The following MARCHF1 variants were observed in gnomAD, a reference collection of about 807,000 sequenced individuals.
The protein encoded by MARCHF1 is membrane associated ring-CH-type finger 1.
In MARCHF1, 40 loss-of-function variants were observed where a neutral mutation model predicts 54.2. That is an observed-to-expected ratio of 0.74 (90% CI 0.57 to 0.96). The LOEUF is 0.96. MARCHF1 is among the 40% of genes least tolerant of loss of function. The pLI, the probability that MARCHF1 is intolerant of heterozygous loss-of-function variation, is 0.00. For missense variants in MARCHF1, 586 were observed against 656.5 expected, an observed-to-expected ratio of 0.89 and a Z score of 1.17; for synonymous variants, 236 against 236.3, an observed-to-expected ratio of 1.00 and a Z score of 0.01.
At chr4:163,548,943 C>A (rs1019459595) in intron 8 of MARCHF1, among the ~76,000 whole-genome samples, 3 of 152,208 alleles carry the variant, frequency 2.0e-5, no homozygotes, top group Non-Finnish European at 2.9e-5. Context: ...TCGTGATAGG[C>A]AAGTGATAAT....
chr4:164,214,873 T>C (rs1731882775), intron 1 of MARCHF1, among the ~76,000 whole-genome samples: 1 of 152,090 alleles, frequency 6.6e-6, no homozygotes, highest in Admixed American at 6.5e-5. Flanking sequence ...CGGGAAAAGT[T>C]CCCTTGTCCC....
chr4:164,363,423 T>C (rs1170523323), intron 1 of MARCHF1, among the ~76,000 whole-genome samples: 1 of 152,176 alleles, frequency 6.6e-6, no homozygotes, highest in Non-Finnish European at 1.5e-5. Flanking sequence ...CTACTTCTTA[T>C]CTTTGTGAGA....
intron 1 of MARCHF1, among the ~76,000 whole-genome samples, chr4:164,135,073 T>C (rs1560920424): frequency 1.3e-5 from 2 of 152,226 alleles, no homozygotes; most frequent in South Asian, 2.1e-4. Context: ...GTCCTCCTGG[T>C]TGGTTATTAG....
chr4:164,222,236 T>TA (rs1732135789), intron 1 of MARCHF1, among the ~76,000 whole-genome samples: 1 of 151,622 alleles, frequency 6.6e-6, no homozygotes, highest in African/African-American at 2.4e-5. Flanking sequence ...TTTTTTTTTT[T>TA]AGAATAACAA....
chr4:164,289,089 T>C (rs1734222061), intron 1 of MARCHF1, among the ~76,000 whole-genome samples: 1 of 152,060 alleles, frequency 6.6e-6, no homozygotes, highest in African/African-American at 2.4e-5. Flanking sequence ...CTCAACAAAT[T>C]AGTAAGTTTC....
chr4:163,836,936 T>C (rs1006135337), intron 4 of MARCHF1, among the ~76,000 whole-genome samples: 10 of 152,124 alleles, frequency 6.6e-5, no homozygotes, highest in Non-Finnish European at 1.0e-4. Context: ...GCCATTCTAA[T>C]GTGAATTTTA....
chr4:164,062,594 G>A (rs941136274), intron 2 of MARCHF1, among the ~76,000 whole-genome samples: 7 of 151,960 alleles, frequency 4.6e-5, no homozygotes, highest in Admixed American at 2.6e-4. Flanking sequence ...GCGCGATCTC[G>A]GCTCACTGCA....
At chr4:164,274,659 C>A (rs904259118) in intron 1 of MARCHF1, among the ~76,000 whole-genome samples, 1 of 44,644 alleles carries the variant, frequency 2.2e-5, no homozygotes, top group African/African-American at 7.5e-5. Flanking sequence ...TCAGGGTACA[C>A]TTTTTTTTTT....
At chr4:164,265,879 C>T (rs1190418246) in intron 1 of MARCHF1, among the ~76,000 whole-genome samples, 1 of 152,154 alleles carries the variant, frequency 6.6e-6, no homozygotes, top group African/African-American at 2.4e-5. Context: ...CCCTAACTGC[C>T]TCCCTTCTCC....
chr4:164,301,805 C>T (rs559664730), intron 1 of MARCHF1, among the ~76,000 whole-genome samples: 15 of 152,020 alleles, frequency 9.9e-5, no homozygotes, highest in Admixed American at 2.6e-4. Context: ...CTAAAAGGAT[C>T]GAATGCTGGA....
At chr4:164,039,404 C>T (rs927559504) in intron 2 of MARCHF1, among the ~76,000 whole-genome samples, 8 of 152,086 alleles carry the variant, frequency 5.3e-5, no homozygotes, top group African/African-American at 1.7e-4. Flanking sequence ...CAGTAAAAAC[C>T]TATGCAACAA....
At chr4:163,791,202 C>T (rs553478613) in intron 4 of MARCHF1, among the ~76,000 whole-genome samples, 1 of 152,176 alleles carries the variant, frequency 6.6e-6, no homozygotes, top group East Asian at 1.9e-4. Context: ...GTGTACCACA[C>T]CTGATTTAGA....
chr4:164,208,117 T>C (rs1021437030), intron 1 of MARCHF1, among the ~76,000 whole-genome samples: 6 of 152,172 alleles, frequency 3.9e-5, no homozygotes, highest in South Asian at 4.1e-4. Context: ...CAAGGAGCTC[T>C]GTGTCAAGGG....
intron 1 of MARCHF1, among the ~76,000 whole-genome samples, chr4:164,255,907 T>C (rs1015995678): frequency 8.5e-5 from 13 of 152,092 alleles, no homozygotes; most frequent in African/African-American, 2.9e-4. Flanking sequence ...TTAATTGCTT[T>C]GACTCAAATA....
chr4:164,328,317 T>A (rs899112568), intron 1 of MARCHF1, among the ~76,000 whole-genome samples: 1 of 152,160 alleles, frequency 6.6e-6, no homozygotes, highest in Non-Finnish European at 1.5e-5. Context: ...GATTTATGAT[T>A]TTATTTATAC....
chr4:163,746,634 G>T (rs1336629744), intron 4 of MARCHF1, among the ~76,000 whole-genome samples: 1 of 152,116 alleles, frequency 6.6e-6, no homozygotes, highest in Non-Finnish European at 1.5e-5. Context: ...GCAGTATCCT[G>T]TTCGCACACT....
intron 1 of MARCHF1, among the ~76,000 whole-genome samples, chr4:164,249,037 C>T (rs1226756861): frequency 6.6e-6 from 1 of 151,998 alleles, no homozygotes; most frequent in African/African-American, 2.4e-5. Flanking sequence ...AACTTTTCCC[C>T]AAGTGTTGCT....
intron 3 of MARCHF1, among the ~76,000 whole-genome samples, chr4:163,931,907 T>A (rs1751685562): frequency 6.6e-6 from 1 of 152,164 alleles, no homozygotes; most frequent in Non-Finnish European, 1.5e-5. Flanking sequence ...AATCTTTCTG[T>A]ATATAAAGGC....
At chr4:164,326,957 T>TTGTGTGTGTGTGTGTGTGTGTGTGTGTG (rs370504086) in intron 1 of MARCHF1, among the ~76,000 whole-genome samples, 1 of 133,664 alleles carries the variant, frequency 7.5e-6, no homozygotes, top group Non-Finnish European at 1.6e-5. Flanking sequence ...GTTGTAAGGA[T>TTGTGTGTGTGTGTGTGTGTGTGTGTGTG]TGTGTGTGTG....
Sources: gnomAD v4.1 joint callset for allele counts (sites outside exome capture counted in the v4.1 genomes callset) on GRCh38, gnomAD v4.1.1 for gene constraint, MANE v1.5 for transcripts, NCBI Gene and HGNC (gene_info 2026-07-23, HGNC 2026-07-21) for gene names.